The following THAP4 variants were observed in gnomAD, a reference collection of about 807,000 sequenced individuals.
The protein encoded by THAP4 is peroxynitrite isomerase THAP4.
THAP4 carries 18 observed loss-of-function variants against 48.1 expected under a neutral mutation model. The observed-to-expected ratio is 0.37, with a 90% CI of 0.26 to 0.56. The LOEUF (loss-of-function observed/expected upper bound fraction) is 0.56. THAP4 is among the 20% of genes least tolerant of loss of function. THAP4 has a pLI of 0.78. For synonymous variants in THAP4, 345 were observed against 324.9 expected, an observed-to-expected ratio of 1.06 and a Z score of -0.66; for missense variants, 656 against 774.9, an observed-to-expected ratio of 0.85 and a Z score of 1.82.
intron 2 of THAP4, among the ~76,000 whole-genome samples, chr2:241,611,412 G>A (rs1575029158): frequency 6.6e-6 from 1 of 152,234 alleles, no homozygotes; most frequent in East Asian, 1.9e-4. Context: ...GAGAAGTAAT[G>A]CGCCACTCCG....
intron 1 of THAP4, among the ~76,000 whole-genome samples, chr2:241,636,040 C>CA (rs113926680): frequency 3.3e-5 from 5 of 152,088 alleles, no homozygotes; most frequent in Non-Finnish European, 4.4e-5. Flanking sequence ...GCCTCGTTTT[C>CA]AAAAAACAAT....
chr2:241,611,305 G>A (rs1444084352), intron 2 of THAP4, among the ~76,000 whole-genome samples: 2 of 152,122 alleles, frequency 1.3e-5, no homozygotes, highest in African/African-American at 2.4e-5. Flanking sequence ...AGCAGGCCCA[G>A]GGCACCCCAC....
intron 2 of THAP4, among the ~76,000 whole-genome samples, chr2:241,623,231 T>A (rs1408712011): frequency 6.6e-6 from 1 of 150,724 alleles, no homozygotes; most frequent in Non-Finnish European, 1.5e-5. Flanking sequence ...ATAATAATAA[T>A]AAAAATAAAA....
At chr2:241,608,659 C>G (rs1459085829) in intron 2 of THAP4, among the ~76,000 whole-genome samples, 2 of 152,224 alleles carry the variant, frequency 1.3e-5, no homozygotes, top group Non-Finnish European at 2.9e-5. Flanking sequence ...GGACACTCTT[C>G]CAGGGAGAAG....
At chr2:241,602,843 C>A in intron 4 of THAP4, 127 bp downstream of exon 4, 1 of 728,116 alleles carries the variant, frequency 1.4e-6, no homozygotes, top group Non-Finnish European at 2.4e-6. Flanking sequence ...ACACTCAGGG[C>A]CATCCCCACG....
intron 5 of THAP4, among the ~76,000 whole-genome samples, chr2:241,588,889 A>G (rs140696906): frequency 6.6e-6 from 1 of 152,326 alleles, no homozygotes; most frequent in African/African-American, 2.4e-5. Context: ...AAAAGCACTG[A>G]CTAGAGAAAA....
At chr2:241,620,618 G>C (rs1378458143) in intron 2 of THAP4, among the ~76,000 whole-genome samples, 2 of 148,306 alleles carry the variant, frequency 1.3e-5, no homozygotes, top group African/African-American at 5.0e-5. Context: ...TGAGGGATGA[G>C]TGAGGGGTGA....
rs374523365 is a variant in THAP4 at position 241,603,070 on chromosome 2, G to A, written c.1410C>T (p.Ser470=). Residue 470 remains serine (S), a synonymous_variant, in exon 4 of 6, where the codon TCC becomes TCT. Coordinates refer to ENST00000407315, the MANE Select transcript of THAP4 (RefSeq NM_015963.6). The part of the protein sequence containing the change: ...GQPMLNFSFN[S]FHPDTRKPMH... The stretch of plus-strand genomic sequence containing the variant: ...TCGGCTTGCGCGTGTCCGGGTGGAA[G>A]GAGTTGAACCTGGACGGGAAGTTGG... 5.8e-5 allele frequency: 94 copies of A among 1,613,634 alleles called. No individual in the cohort carries two copies. Among genetic ancestry groups the A allele is most frequent in the Non-Finnish European group, 7.4e-5 (87 of 1,179,774 alleles).
At chr2:241,594,234 G>A (rs1247102495) in intron 5 of THAP4, among the ~76,000 whole-genome samples, 2 of 152,172 alleles carry the variant, frequency 1.3e-5, no homozygotes, top group Non-Finnish European at 2.9e-5. Flanking sequence ...CAGGGGTTGG[G>A]GGAGATGGAA....
At chr2:241,602,110 G>C (rs1050779232) in intron 4 of THAP4, 111 bp from the exon 5 acceptor site, 5 of 980,636 alleles carry the variant, frequency 5.1e-6, no homozygotes, top group African/African-American at 1.6e-5. Flanking sequence ...CAACTCTGCA[G>C]CTGTGGAAGC....
upstream of THAP4, chr2:241,637,281 G>C: frequency 2.7e-6 from 3 of 1,110,904 alleles, no homozygotes; most frequent in Non-Finnish European, 3.3e-6. Flanking sequence ...GCGTCCGTCG[G>C]CAGGCGGGCA....
Position 241,610,414 on chromosome 2 carries a change from A to AGGGCGGAGGCT in THAP4, c.1241-3952_1241-3942dup, listed in dbSNP as rs1183964444. Among the ~76,000 whole-genome samples the AGGGCGGAGGCT allele has an allele frequency of 1.3e-5, 2 of 152,266 alleles. No homozygotes were observed. Among genetic ancestry groups the AGGGCGGAGGCT allele is most frequent in the South Asian group, 2.1e-4 (1 of 4,826 alleles). On this transcript the variant is annotated intron_variant, in intron 2 of 5. Transcript: ENST00000407315. The surrounding 1 kb of genome is among the most constrained non-coding windows in gnomAD (Gnocchi z 4.2). ...CTGTTTGGGGAGCGGCAGAGGAGTC[A>AGGGCGGAGGCT]GGGCGGAGGCTGGGCGGCGCTGGGC...
At chr2:241,608,019 C>A (rs1404739559) in intron 2 of THAP4, among the ~76,000 whole-genome samples, 25 of 151,364 alleles carry the variant, frequency 1.7e-4, no homozygotes, top group Non-Finnish European at 2.7e-4. Flanking sequence ...CAGGCCCGCG[C>A]AAGCAGAAGA....
At chr2:241,606,278 G>A in intron 3 of THAP4, 36 bp downstream of exon 3, 1 of 1,514,430 alleles carries the variant, frequency 6.6e-7, no homozygotes, top group Non-Finnish European at 8.9e-7. Flanking sequence ...GGCGGCCCAT[G>A]AGTCAAGCAG....
rs1404366741 is a variant in THAP4, at chr2:241,612,101, A to G, written c.1241-5628T>C. Reference sequence around the variant, plus strand: ...TGTAAGAACTCAGGAGAGAAACGGCAAGGAAAGAGGAGAAGGTGAAACATG... The same window carrying G: ...TGTAAGAACTCAGGAGAGAAACGGCGAGGAAAGAGGAGAAGGTGAAACATG... On this transcript the variant is annotated intron_variant, in intron 2 of 5. Transcript: ENST00000407315. The surrounding 1 kb of genome is among the most constrained non-coding windows in gnomAD (Gnocchi z 4.1). Among the ~76,000 whole-genome samples the G allele has an allele frequency of 1.3e-5, 2 of 152,194 alleles. No individual in the cohort carries two copies. Among genetic ancestry groups the G allele is most frequent in the African/African-American group, 4.8e-5 (2 of 41,450 alleles).
intron 2 of THAP4, among the ~76,000 whole-genome samples, chr2:241,621,632 G>A (rs147424856): frequency 0.011 from 1,710 of 152,146 alleles, 33 homozygotes; most frequent in African/African-American, 0.039. Context: ...AAAAAAATCA[G>A]AATATTGGAG....
chr2:241,586,065 C>T (rs2125064287), intron 5 of THAP4, among the ~76,000 whole-genome samples: 1 of 151,282 alleles, frequency 6.6e-6, no homozygotes, highest in Non-Finnish European at 1.5e-5. Context: ...ACCATCCTGG[C>T]TAACAGGGTG....
intron 2 of THAP4, among the ~76,000 whole-genome samples, chr2:241,608,793 G>T (rs1421017550): frequency 6.6e-6 from 1 of 152,212 alleles, no homozygotes; most frequent in South Asian, 2.1e-4. Flanking sequence ...AGGGAGACAG[G>T]GCTGTTGGGG....
intron 2 of THAP4, among the ~76,000 whole-genome samples, chr2:241,609,283 C>T (rs952156206): frequency 1.3e-5 from 2 of 152,166 alleles, no homozygotes; most frequent in Non-Finnish European, 2.9e-5. Flanking sequence ...GGTTTCTGGC[C>T]TGAGCAATTG....
Sources: allele counts gnomAD v4.1 joint callset (sites outside exome capture counted in the v4.1 genomes callset), GRCh38; gene constraint gnomAD v4.1.1; non-coding constraint Gnocchi (gnomAD v3.1); transcripts MANE v1.5; gene names NCBI Gene and HGNC (gene_info 2026-07-23, HGNC 2026-07-21).